Variants in IGF2BP3 observed in about 807,000 individuals in gnomAD.
IGF2BP3 encodes insulin like growth factor 2 mRNA binding protein 3.
In IGF2BP3, 9 loss-of-function variants were observed where a neutral mutation model predicts 73.8. The observed-to-expected ratio is 0.12, with a 90% CI of 0.07 to 0.21. The LOEUF (loss-of-function observed/expected upper bound fraction) is 0.21. IGF2BP3 is among the 10% of genes least tolerant of loss of function. The probability of loss-of-function intolerance (pLI) is 1.00; values close to 1 mark genes in which losing one functional copy is unlikely to be tolerated. For synonymous variants in IGF2BP3, 258 were observed against 256.7 expected (o/e 1.01, Z -0.05); for missense variants, 542 against 714.0 (o/e 0.76, Z 2.75).
chr7:23,452,521 C>T (rs1282575631), intron 2 of IGF2BP3, among the ~76,000 whole-genome samples: 3 of 152,052 alleles, frequency 2.0e-5, no homozygotes, highest in Non-Finnish European at 2.9e-5. Context: ...AACATGGGTT[C>T]CCCCAGGCGT....
At chr7:23,349,005 G>C (rs1281990179) in intron 6 of IGF2BP3, among the ~76,000 whole-genome samples, 1 of 152,094 alleles carries the variant, frequency 6.6e-6, no homozygotes, top group African/African-American at 2.4e-5. Context: ...CATGTTAGTA[G>C]ATACAGGCAA....
chr7:23,435,292 CAAAAAAAAAAAA>C (rs35846648), intron 2 of IGF2BP3, among the ~76,000 whole-genome samples: 122 of 47,974 alleles, frequency 2.5e-3, no homozygotes, highest in African/African-American at 8.1e-3. Context: ...GACTCTGTCT[CAAAAAAAAAAAA>C]AAAAAAAAAA....
chr7:23,351,661 A>T, intron 5 of IGF2BP3, 75 bp from the exon 6 acceptor site: 10 of 1,496,904 alleles, frequency 6.7e-6, no homozygotes, highest in Non-Finnish European at 9.2e-6. Flanking sequence ...AGCAACACCC[A>T]TCTCTTCTAC....
intron 3 of IGF2BP3, among the ~76,000 whole-genome samples, chr7:23,396,896 T>C (rs1786493148): frequency 6.6e-6 from 1 of 152,198 alleles, no homozygotes; most frequent in African/African-American, 2.4e-5. Flanking sequence ...ACTTGTCTTA[T>C]TCGCTGGTTC....
chr7:23,316,660 G>C (rs1174571464), intron 12 of IGF2BP3, among the ~76,000 whole-genome samples: 1 of 132,414 alleles, frequency 7.6e-6, no homozygotes, highest in Non-Finnish European at 1.6e-5. Flanking sequence ...GGGCGACAGA[G>C]TGAGACTCTG....
chr7:23,385,585 A>G (rs1001864991), intron 3 of IGF2BP3, among the ~76,000 whole-genome samples: 3 of 152,154 alleles, frequency 2.0e-5, no homozygotes, highest in Non-Finnish European at 2.9e-5. Context: ...TGACAGGATA[A>G]AAGAGTTTCT....
chr7:23,438,973 T>C (rs1488512411), intron 2 of IGF2BP3, among the ~76,000 whole-genome samples: 1 of 152,108 alleles, frequency 6.6e-6, no homozygotes, highest in Non-Finnish European at 1.5e-5. Flanking sequence ...AGGCCAGGCA[T>C]GGTGGCTGAC....
intron 6 of IGF2BP3, among the ~76,000 whole-genome samples, chr7:23,350,092 G>C (rs2128504294): frequency 6.6e-6 from 1 of 152,292 alleles, no homozygotes; most frequent in Non-Finnish European, 1.5e-5. Context: ...CAGGGAGCAG[G>C]TGGGTATGGA....
chr7:23,442,279 C>G (rs1787954864), intron 2 of IGF2BP3, among the ~76,000 whole-genome samples: 1 of 152,172 alleles, frequency 6.6e-6, no homozygotes, highest in Non-Finnish European at 1.5e-5. Flanking sequence ...CAATGGAAAT[C>G]AAACTGCAAA....
At chr7:23,326,373 T>G (rs1465064172) in intron 10 of IGF2BP3, among the ~76,000 whole-genome samples, 3 of 152,038 alleles carry the variant, frequency 2.0e-5, no homozygotes, top group Non-Finnish European at 4.4e-5. Context: ...TGAGATACCA[T>G]CTCACACCAG....
At chr7:23,327,797 T>C (rs1022123153) in intron 10 of IGF2BP3, among the ~76,000 whole-genome samples, 1 of 151,814 alleles carries the variant, frequency 6.6e-6, no homozygotes, top group African/African-American at 2.4e-5. Context: ...CACATGGAGA[T>C]CACTAGTGGC....
At chr7:23,313,393 T>A in intron 13 of IGF2BP3, 129 bp downstream of exon 13, 1 of 1,007,198 alleles carries the variant, frequency 9.9e-7, no homozygotes, top group Non-Finnish European at 1.5e-6. Flanking sequence ...AAAGGCAATC[T>A]TCTCCAAACC....
At chr7:23,369,172 G>C (rs1018042364) in intron 3 of IGF2BP3, among the ~76,000 whole-genome samples, 1 of 152,058 alleles carries the variant, frequency 6.6e-6, no homozygotes, top group African/African-American at 2.4e-5. Context: ...TCCCCAGGTT[G>C]CAAGTTCTGT....
intron 3 of IGF2BP3, among the ~76,000 whole-genome samples, chr7:23,393,078 G>A (rs1786335964): frequency 6.6e-6 from 1 of 152,066 alleles, no homozygotes; most frequent in African/African-American, 2.4e-5. Flanking sequence ...TAGCGTCCTT[G>A]GAATTAACCC....
chr7:23,322,456 G>T (rs950348484), intron 10 of IGF2BP3, among the ~76,000 whole-genome samples: 1 of 152,204 alleles, frequency 6.6e-6, no homozygotes. Context: ...TGGTGTACCT[G>T]AAAGTGACGG....
chr7:23,438,027 CACTT>C (rs574250689), intron 2 of IGF2BP3, among the ~76,000 whole-genome samples: 85 of 152,354 alleles, frequency 5.6e-4, no homozygotes, highest in African/African-American at 1.9e-3. Context: ...AAATAAAACT[CACTT>C]ACACAGATAT....
At chr7:23,389,446 C>T (rs1179500370) in intron 3 of IGF2BP3, among the ~76,000 whole-genome samples, 1 of 152,096 alleles carries the variant, frequency 6.6e-6, no homozygotes, top group Non-Finnish European at 1.5e-5. Context: ...CAGGGGTGAG[C>T]CACCATACCC....
chr7:23,458,304 G>A (rs1360733601), intron 2 of IGF2BP3, among the ~76,000 whole-genome samples: 1 of 151,812 alleles, frequency 6.6e-6, no homozygotes, highest in Non-Finnish European at 1.5e-5. Flanking sequence ...ACATCCTCCT[G>A]GCTTTTCCCT....
intron 2 of IGF2BP3, among the ~76,000 whole-genome samples, chr7:23,443,748 G>A (rs574217154): frequency 1.2e-3 from 179 of 152,018 alleles, no homozygotes; most frequent in African/African-American, 3.8e-3. Flanking sequence ...AGTGGCTCAT[G>A]CCTATAATCT....
Sources: gnomAD v4.1 joint callset for allele counts (sites outside exome capture counted in the v4.1 genomes callset) on GRCh38, gnomAD v4.1.1 for gene constraint, MANE v1.5 for transcripts, NCBI Gene and HGNC (gene_info 2026-07-23, HGNC 2026-07-21) for gene names.